Variants in RALGPS2 observed in about 807,000 individuals in gnomAD.
RALGPS2 encodes the protein Ral GEF with PH domain and SH3 binding motif 2.
Under a neutral mutation model 86.8 loss-of-function variants are expected in RALGPS2, and 43 were observed. The ratio of observed to expected loss-of-function variants is 0.50; its 90% CI spans 0.39 to 0.64. The LOEUF (loss-of-function observed/expected upper bound fraction) is 0.64, where lower values mean the gene tolerates loss of function less well. RALGPS2 is among the 30% of genes least tolerant of loss of function. The pLI, the probability that RALGPS2 is intolerant of heterozygous loss-of-function variation, is 0.00. For synonymous variants in RALGPS2, 243 were observed against 231.3 expected (o/e 1.05, Z -0.46); for missense variants, 536 against 694.6 (o/e 0.77, Z 2.57).
chr1:178,752,133 ATTTTTTT>A (rs201582341), intron 1 of RALGPS2, among the ~76,000 whole-genome samples: 7 of 136,202 alleles, frequency 5.1e-5, no homozygotes, highest in African/African-American at 1.9e-4. Flanking sequence ...TTGTGTAGTA[ATTTTTTT>A]TTTTTTTTTT....
chr1:178,747,017 T>G, intron 1 of RALGPS2: 1 of 910,062 alleles, frequency 1.1e-6, no homozygotes, highest in South Asian at 1.3e-5. Flanking sequence ...TTTACACATT[T>G]TGCTCCTTCT....
chr1:178,756,988 TTG>T (rs1411739294), intron 1 of RALGPS2, among the ~76,000 whole-genome samples: 2 of 152,176 alleles, frequency 1.3e-5, no homozygotes, highest in East Asian at 3.8e-4. Flanking sequence ...TTTGTAGTTT[TTG>T]TAGAGATCTT....
At chr1:178,868,442 T>C (rs1181567011) in intron 8 of RALGPS2, among the ~76,000 whole-genome samples, 1 of 151,980 alleles carries the variant, frequency 6.6e-6, no homozygotes, top group Non-Finnish European at 1.5e-5. Flanking sequence ...ACTTAAATAA[T>C]ATTTACTATG....
intron 4 of RALGPS2, among the ~76,000 whole-genome samples, chr1:178,800,393 G>A (rs1280092046): frequency 1.3e-5 from 2 of 151,660 alleles, no homozygotes; most frequent in Admixed American, 6.6e-5. Context: ...CTGCCTTTCT[G>A]GCCTTCTTTT....
At chr1:178,868,974 CTT>C (rs1658583008) in intron 8 of RALGPS2, 1 of 151,876 alleles carries the variant, frequency 6.6e-6, no homozygotes, top group African/African-American at 2.4e-5. Context: ...AAAACATTCT[CTT>C]ATTTAATATT....
At chr1:178,866,455 T>C (rs1658418567) in intron 8 of RALGPS2, among the ~76,000 whole-genome samples, 1 of 152,192 alleles carries the variant, frequency 6.6e-6, no homozygotes, top group East Asian at 1.9e-4. Context: ...TTTAGAATGA[T>C]AGAATGCTCA....
chr1:178,823,578 A>G (rs1655611223), intron 7 of RALGPS2, among the ~76,000 whole-genome samples: 1 of 152,348 alleles, frequency 6.6e-6, no homozygotes, highest in African/African-American at 2.4e-5. Context: ...ATCTGGGAGA[A>G]GAGAATTCCA....
At chr1:178,809,919 G>C (rs1174315785) in intron 5 of RALGPS2, among the ~76,000 whole-genome samples, 1 of 152,136 alleles carries the variant, frequency 6.6e-6, no homozygotes, top group East Asian at 1.9e-4. Flanking sequence ...ACTTTTGATA[G>C]AGAGTGACAA....
At chr1:178,858,946 T>C (rs185345323) in intron 8 of RALGPS2, among the ~76,000 whole-genome samples, 12 of 152,312 alleles carry the variant, frequency 7.9e-5, no homozygotes, top group Admixed American at 4.6e-4. Context: ...AAATTATTGG[T>C]TACCAAGTAG....
intron 19 of RALGPS2, among the ~76,000 whole-genome samples, chr1:178,914,461 G>A (rs112832550): frequency 0.063 from 9,544 of 152,158 alleles, 1,028 homozygotes; most frequent in African/African-American, 0.22. Context: ...GCACTCCACA[G>A]CCCTGTGCAG....
intron 8 of RALGPS2, among the ~76,000 whole-genome samples, chr1:178,875,183 T>G (rs1173298084): frequency 6.6e-6 from 1 of 152,184 alleles, no homozygotes; most frequent in Non-Finnish European, 1.5e-5. Context: ...TGTGCAGAGT[T>G]GTAAAATAGC....
intron 1 of RALGPS2, among the ~76,000 whole-genome samples, chr1:178,748,487 A>G (rs1456953433): frequency 6.6e-6 from 1 of 152,202 alleles, no homozygotes; most frequent in Non-Finnish European, 1.5e-5. Flanking sequence ...TTAGCAATAT[A>G]AAGGAATGAA....
At chr1:178,850,462 C>T in intron 8 of RALGPS2, 1 of 151,564 alleles carries the variant, frequency 6.6e-6, no homozygotes, top group African/African-American at 2.4e-5. Context: ...ATAGATTTGT[C>T]TTTATAAATT....
chr1:178,847,938 G>C (rs1005669225), intron 8 of RALGPS2, among the ~76,000 whole-genome samples: 3 of 152,166 alleles, frequency 2.0e-5, no homozygotes, highest in Non-Finnish European at 2.9e-5. Flanking sequence ...TGCTTCAGGA[G>C]GTCAGGTGTT....
intron 1 of RALGPS2, among the ~76,000 whole-genome samples, chr1:178,756,006 A>G (rs1397887227): frequency 2.0e-4 from 31 of 152,038 alleles, no homozygotes. Flanking sequence ...GTCTGTTTGT[A>G]TCTTTTGTCC....
intron 4 of RALGPS2, among the ~76,000 whole-genome samples, chr1:178,797,011 G>A (rs1053110110): frequency 6.6e-6 from 1 of 152,000 alleles, no homozygotes; most frequent in Non-Finnish European, 1.5e-5. Context: ...GGGTATCAAG[G>A]CTGCTAAATT....
intron 19 of RALGPS2, among the ~76,000 whole-genome samples, chr1:178,909,760 C>T (rs1660547456): frequency 6.7e-6 from 1 of 149,174 alleles, no homozygotes; most frequent in Non-Finnish European, 1.5e-5. Context: ...AGCGATTCTC[C>T]TGCCTCAGTC....
At chr1:178,844,160 C>T (rs1477494433) in intron 8 of RALGPS2, among the ~76,000 whole-genome samples, 2 of 152,142 alleles carry the variant, frequency 1.3e-5, no homozygotes, top group Non-Finnish European at 2.9e-5. Flanking sequence ...AACTATTCCT[C>T]TTCAAGTATA....
At position 178,886,076 on chromosome 1, in the gene RALGPS2, G is replaced by A. The variant is rs768557058; in HGVS notation, c.1148G>A (p.Arg383Gln). Residue 383 changes from arginine to glutamine, a missense_variant, in exon 13 of 20, where the codon CGA becomes CAA. Around this residue, in one of 3 missense-constraint regions of RALGPS2, gnomAD observed 309 missense variants for 363.0 expected, o/e 0.85. Coordinates refer to ENST00000367635, the MANE Select transcript of RALGPS2 (RefSeq NM_152663.5). Reference sequence around the variant, plus strand: ...GTCATGGAGCCCCATGCGCCATCTCGAGGCCAAGCTGAAAGTTCTACTCTT... The same window carrying A: ...GTCATGGAGCCCCATGCGCCATCTCAAGGCCAAGCTGAAAGTTCTACTCTT... ...DSVMEPHAPS[R>Q]GQAESSTLSS... is the part of the protein sequence containing the mutation. The A allele has an allele frequency of 1.1e-5, 18 of 1,613,438 alleles. No homozygotes were observed. In the South Asian group the frequency reaches 1.3e-4, roughly 12 times the overall value.
Sources: gnomAD v4.1 joint callset for allele counts (sites outside exome capture counted in the v4.1 genomes callset) on GRCh38, gnomAD v4.1.1 for gene constraint, gnomAD v4.1.1 regional missense constraint, MANE v1.5 for transcripts, NCBI Gene and HGNC (gene_info 2026-07-23, HGNC 2026-07-21) for gene names.